Variants in ARHGEF12 observed in about 807,000 individuals in gnomAD.
ARHGEF12 encodes the protein Rho guanine nucleotide exchange factor 12, also known as KMT2A/ARHGEF12 fusion protein.
A neutral mutation model predicts 211.2 loss-of-function variants in ARHGEF12; 66 were observed. The ratio of observed to expected loss-of-function variants is 0.31; its 90% CI spans 0.26 to 0.38. The LOEUF (loss-of-function observed/expected upper bound fraction) is 0.38. Among genes scored for constraint, ARHGEF12 ranks in the 10% least tolerant of loss-of-function variants. The pLI, the probability that ARHGEF12 is intolerant of heterozygous loss-of-function variation, is 1.00. For synonymous variants in ARHGEF12, 592 were observed against 638.4 expected (o/e 0.93, Z 1.09); for missense variants, 1,429 against 1,869.5 (o/e 0.76, Z 4.34).
chr11:120,425,084 G>A (rs763580351), intron 7 of ARHGEF12, among the ~76,000 whole-genome samples: 22 of 152,162 alleles, frequency 1.4e-4, no homozygotes, highest in Non-Finnish European at 2.9e-4. Context: ...AGGGTCAAAG[G>A]TGGATTCACG....
chr11:120,413,416 C>A (rs764466052), intron 4 of ARHGEF12, among the ~76,000 whole-genome samples: 6 of 152,114 alleles, frequency 3.9e-5, no homozygotes, highest in Non-Finnish European at 8.8e-5. Flanking sequence ...ATTGGAGACA[C>A]TCATTAAGTG....
At chr11:120,379,220 T>G (rs1251867539) in intron 1 of ARHGEF12, among the ~76,000 whole-genome samples, 2 of 152,038 alleles carry the variant, frequency 1.3e-5, no homozygotes, top group South Asian at 2.1e-4. Context: ...AAATTAATTT[T>G]TAATTCTTTA....
intron 3 of ARHGEF12, 145 bp downstream of exon 3, chr11:120,407,968 T>G: frequency 1.6e-6 from 1 of 626,146 alleles, no homozygotes; most frequent in South Asian, 3.0e-5. Flanking sequence ...TAATAAAGCC[T>G]TTGCATTTAG....
chr11:120,339,109 G>A (rs1942452304), intron 1 of ARHGEF12, among the ~76,000 whole-genome samples: 1 of 125,578 alleles, frequency 8.0e-6, no homozygotes, highest in Admixed American at 9.7e-5. Context: ...AATGTTTTTT[G>A]AACTGGTTCA....
chr11:120,394,424 G>A (rs1164733366), intron 1 of ARHGEF12, among the ~76,000 whole-genome samples: 1 of 151,520 alleles, frequency 6.6e-6, no homozygotes. Context: ...TCAAACTCCT[G>A]GGTTCAAGCA....
chr11:120,448,187 C>T, intron 19 of ARHGEF12, 47 bp from the exon 20 acceptor site: 1 of 1,366,688 alleles, frequency 7.3e-7, no homozygotes, highest in Non-Finnish European at 1.0e-6. Context: ...ATTCTACCAA[C>T]CCTCCCTTCT....
At chr11:120,437,511 A>T in intron 12 of ARHGEF12, 129 bp downstream of exon 12, 1 of 544,258 alleles carries the variant, frequency 1.8e-6, no homozygotes, top group Non-Finnish European at 2.9e-6. Flanking sequence ...AAATTTATTA[A>T]AGAAACTTAA....
chr11:120,461,081 G>C (rs1444080851), intron 27 of ARHGEF12, among the ~76,000 whole-genome samples: 1 of 152,142 alleles, frequency 6.6e-6, no homozygotes, highest in Non-Finnish European at 1.5e-5. Context: ...ATGAGGGTTG[G>C]AATCAACTTC....
Position 120,488,746 on chromosome 11 carries a change from A to G in ARHGEF12, c.*3669A>G, listed in dbSNP as rs542321211. 4.6e-6 allele frequency: 1 copy of G among 216,164 alleles called. No homozygotes were observed. The highest frequency in any genetic ancestry group is 5.8e-5 in the Admixed American group (1 of 17,212). 13.4% of individuals were successfully genotyped at this position (216,164 alleles called of 1,614,324 possible). ...ATTTTATTTTCCTTGTTCACCATAC[A>G]ATCATGTACTCTTTAACAGAAATTG... On this transcript the variant is annotated 3_prime_UTR_variant, in exon 41 of 41. Transcript: ENST00000397843.
intron 1 of ARHGEF12, among the ~76,000 whole-genome samples, chr11:120,360,129 T>C (rs1943239392): frequency 6.6e-6 from 1 of 152,108 alleles, no homozygotes; most frequent in South Asian, 2.1e-4. Context: ...GGTAGAGATA[T>C]GGATACTAAA....
chr11:120,447,133 A>C, intron 18 of ARHGEF12, 48 bp downstream of exon 18: 1 of 1,592,696 alleles, frequency 6.3e-7, no homozygotes, highest in African/African-American at 1.3e-5. Context: ...CTGAGATACT[A>C]GTTATGCTTG....
intron 37 of ARHGEF12, 49 bp downstream of exon 37, chr11:120,478,438 CATGTGCCATCCCTA>C (rs1339513260): frequency 6.9e-7 from 1 of 1,440,646 alleles, no homozygotes; most frequent in East Asian, 2.3e-5. Context: ...GTATGACACT[CATGTGCCATCCCTA>C]AAGTATGTGG....
chr11:120,347,536 G>C (rs1942804677), intron 1 of ARHGEF12, among the ~76,000 whole-genome samples: 1 of 152,046 alleles, frequency 6.6e-6, no homozygotes. Context: ...TTGCTCTGTG[G>C]AGAAAGGATC....
intron 1 of ARHGEF12, among the ~76,000 whole-genome samples, chr11:120,384,386 A>G (rs2135465863): frequency 1.3e-5 from 2 of 152,340 alleles, no homozygotes; most frequent in Admixed American, 1.3e-4. Context: ...GTTTTGTAAA[A>G]CAACATGTTT....
Position 120,431,776 on chromosome 11 carries a change from A to C in ARHGEF12, c.789A>C (p.Gly263=). ...LSKATGSAQD[G]AVVTPSRPLG... ...TTTTCTTTCATCTGTTTTAGGATGGAGCTGTAGTTACACCCTCCAGACCTT... is the reference window on the plus strand; with the variant it reads ...TTTTCTTTCATCTGTTTTAGGATGGCGCTGTAGTTACACCCTCCAGACCTT... The change falls in exon 11 of 41, where the codon GGA becomes GGC. Residue 263 remains glycine (G), a synonymous_variant. Transcript: ENST00000397843. The C allele has an allele frequency of 6.3e-7, 1 of 1,596,058 alleles. No homozygotes were observed. Among genetic ancestry groups the C allele is most frequent in the African/African-American group, 1.4e-5 (1 of 74,030 alleles).
In ARHGEF12 at chr11:120,429,708, T is replaced by G; in HGVS notation, c.664-4T>G. 1 of 1,607,820 alleles carries G rather than the reference T, an allele frequency of 6.2e-7. No homozygotes were observed. Among genetic ancestry groups the G allele is most frequent in the Middle Eastern group, 1.7e-4 (1 of 6,024 alleles). ...ATTCTGAAAATATTTTTATAACTTT[T>G]CAGTTATTGCAGGAAGATTACAACC... On this transcript the variant is annotated splice_polypyrimidine_tract_variant and splice_region_variant and intron_variant, in intron 9 of 40. Coordinates refer to ENST00000397843, the MANE Select transcript of ARHGEF12 (RefSeq NM_015313.3).
At chr11:120,444,672 G>A (rs1945991150) in intron 15 of ARHGEF12, among the ~76,000 whole-genome samples, 1 of 152,042 alleles carries the variant, frequency 6.6e-6, no homozygotes, top group Non-Finnish European at 1.5e-5. Flanking sequence ...TACAAAATAA[G>A]CAGGAAGAGG....
intron 7 of ARHGEF12, among the ~76,000 whole-genome samples, chr11:120,426,086 G>A (rs905838140): frequency 7.9e-5 from 12 of 152,048 alleles, no homozygotes; most frequent in African/African-American, 2.9e-4. Context: ...TTTGATCAGC[G>A]TTCTTTAGTT....
At chr11:120,421,959 T>C (rs1390346999) in intron 6 of ARHGEF12, 107 bp downstream of exon 6, 3 of 780,644 alleles carry the variant, frequency 3.8e-6, no homozygotes, top group East Asian at 5.5e-5. Context: ...ATCATACTTC[T>C]ATGTATGATA....
Sources: allele counts gnomAD v4.1 joint callset (sites outside exome capture counted in the v4.1 genomes callset), GRCh38; gene constraint gnomAD v4.1.1; transcripts MANE v1.5; gene names NCBI Gene and HGNC (gene_info 2026-07-23, HGNC 2026-07-21).